The following SPTLC3 variants were observed in gnomAD, a reference collection of about 807,000 sequenced individuals.
SPTLC3 encodes serine palmitoyltransferase 3.
In SPTLC3, 36 loss-of-function variants were observed where a neutral mutation model predicts 59.3. That is an observed-to-expected ratio of 0.61 (90% CI 0.47 to 0.80). The LOEUF is 0.80. Ranked by LOEUF, SPTLC3 falls within the 30% of genes least tolerant of loss-of-function variation. The probability of loss-of-function intolerance (pLI) is 0.00; values close to 1 mark genes in which losing one functional copy is unlikely to be tolerated. For synonymous variants in SPTLC3, 257 were observed against 240.8 expected (o/e 1.07, Z -0.62); for missense variants, 625 against 685.1 (o/e 0.91, Z 0.98).
intron 1 of SPTLC3, among the ~76,000 whole-genome samples, chr20:13,042,374 G>A (rs985970454): frequency 1.3e-5 from 2 of 152,200 alleles, no homozygotes; most frequent in African/African-American, 4.8e-5. Context: ...GCTAGGGAAA[G>A]GATAGTAGCT....
chr20:13,067,500 A>T (rs1988268184), intron 2 of SPTLC3, among the ~76,000 whole-genome samples: 1 of 152,036 alleles, frequency 6.6e-6, no homozygotes, highest in Non-Finnish European at 1.5e-5. Context: ...TGCATTTCTG[A>T]TTCATTGATG....
chr20:13,029,609 T>G (rs1261131512), intron 1 of SPTLC3, among the ~76,000 whole-genome samples: 1 of 152,232 alleles, frequency 6.6e-6, no homozygotes, highest in Admixed American at 6.5e-5. Flanking sequence ...TGTGGTGCCA[T>G]TTTCTTAGCG....
chr20:13,056,503 A>C (rs1987734626), intron 2 of SPTLC3, among the ~76,000 whole-genome samples: 1 of 147,856 alleles, frequency 6.8e-6, no homozygotes, highest in Non-Finnish European at 1.5e-5. Flanking sequence ...ACCCAGGCAG[A>C]CTAATGCAAT....
At chr20:13,149,974 G>A (rs1600389404) in intron 9 of SPTLC3, among the ~76,000 whole-genome samples, 1 of 152,174 alleles carries the variant, frequency 6.6e-6, no homozygotes, top group Non-Finnish European at 1.5e-5. Context: ...GGAATCATCA[G>A]GACCAGCCTG....
chr20:13,032,970 A>T (rs768395056), intron 1 of SPTLC3, among the ~76,000 whole-genome samples: 1 of 152,052 alleles, frequency 6.6e-6, no homozygotes, highest in Non-Finnish European at 1.5e-5. Flanking sequence ...GTAACTTATC[A>T]CTCTCTTTGA....
intron 7 of SPTLC3, among the ~76,000 whole-genome samples, chr20:13,116,723 C>T (rs1240631394): frequency 1.3e-5 from 2 of 152,302 alleles, no homozygotes; most frequent in Non-Finnish European, 2.9e-5. Flanking sequence ...CAAAAGAGTT[C>T]ATCTACAGCA....
At chr20:13,088,340 G>A (rs925609887) in intron 4 of SPTLC3, among the ~76,000 whole-genome samples, 6 of 151,854 alleles carry the variant, frequency 4.0e-5, no homozygotes, top group Non-Finnish European at 7.4e-5. Flanking sequence ...TTTTGTCTTT[G>A]TTTTTGTTTT....
chr20:13,037,777 A>T (rs1397261735), intron 1 of SPTLC3, among the ~76,000 whole-genome samples: 1 of 152,164 alleles, frequency 6.6e-6, no homozygotes, highest in African/African-American at 2.4e-5. Flanking sequence ...CATAAGTCTC[A>T]CTAGCTTAAC....
chr20:13,140,755 A>G, intron 9 of SPTLC3, among the ~76,000 whole-genome samples: 1 of 152,246 alleles, frequency 6.6e-6, no homozygotes, highest in East Asian at 1.9e-4. Flanking sequence ...TTGAATTTCA[A>G]TCATTTTTAT....
At chr20:13,063,211 T>C (rs533986083) in intron 2 of SPTLC3, among the ~76,000 whole-genome samples, 2 of 152,346 alleles carry the variant, frequency 1.3e-5, no homozygotes, top group Admixed American at 1.3e-4. Flanking sequence ...TTTTTAGTTC[T>C]TCACACTTAA....
At chr20:13,031,362 T>C (rs996255787) in intron 1 of SPTLC3, among the ~76,000 whole-genome samples, 6 of 152,182 alleles carry the variant, frequency 3.9e-5, no homozygotes, top group African/African-American at 1.4e-4. Flanking sequence ...GCAACAATTG[T>C]ATTGAACAGC....
chr20:13,117,052 T>C (rs1600309488), intron 7 of SPTLC3, among the ~76,000 whole-genome samples: 2 of 152,330 alleles, frequency 1.3e-5, no homozygotes, highest in East Asian at 3.9e-4. Flanking sequence ...TCTTTTTAAT[T>C]CCCTCTTTTA....
chr20:13,043,291 C>T (rs1181062983), intron 1 of SPTLC3, among the ~76,000 whole-genome samples: 1 of 152,220 alleles, frequency 6.6e-6, no homozygotes, highest in Non-Finnish European at 1.5e-5. Context: ...TATCCCCAAC[C>T]TTCCTGCCCT....
intron 9 of SPTLC3, among the ~76,000 whole-genome samples, chr20:13,136,696 AAGTT>A (rs1568621796): frequency 6.8e-6 from 1 of 147,566 alleles, no homozygotes; most frequent in Non-Finnish European, 1.5e-5. Flanking sequence ...ATATAAATAA[AAGTT>A]ATATATATTT....
rs188670109 is a variant in SPTLC3, at chr20:13,035,810, T to C, written c.118-13135T>C. ...TTTCTAAACATTTGTATTTATAAAATACATGTCATAAAGCTATTGTTAAAA... is the reference window on the plus strand; with the variant it reads ...TTTCTAAACATTTGTATTTATAAAACACATGTCATAAAGCTATTGTTAAAA... On this transcript the variant is annotated intron_variant, in intron 1 of 11. Transcript: ENST00000399002. 4.5e-3 allele frequency among the ~76,000 whole-genome samples: 684 copies of C among 152,298 alleles called. 1 individual carries two copies. Among genetic ancestry groups the C allele is most frequent in the Non-Finnish European group, 7.5e-3 (511 of 68,016 alleles).
chr20:13,154,935 C>T (rs1280573202), intron 10 of SPTLC3, among the ~76,000 whole-genome samples: 6 of 152,158 alleles, frequency 3.9e-5, no homozygotes, highest in African/African-American at 1.4e-4. Context: ...AATCCCAGCA[C>T]TTTGGGAGGC....
At position 13,117,511 on chromosome 20, in the gene SPTLC3, A is replaced by C; in HGVS notation, c.938A>C (p.Glu313Ala). The C allele has an allele frequency of 6.3e-7, 1 of 1,586,838 alleles. No individual in the cohort carries two copies. Among genetic ancestry groups the C allele is most frequent in the Non-Finnish European group, 8.6e-7 (1 of 1,167,502 alleles). ...LILVEGVYSM[E>A]GSIVHLPQII... ...CATTTCTCCTTCTGCCCTAGCATGG[A>C]AGGTTCCATCGTGCATCTGCCCCAG... is the stretch of plus-strand genomic sequence containing the variant. Residue 313 changes from glutamate (E) to alanine (A), a missense_variant, in exon 8 of 12, where the codon GAA (glutamate) becomes GCA (alanine). By Grantham distance (107) the Glu-to-Ala change is moderately radical. Coordinates refer to ENST00000399002, the MANE Select transcript of SPTLC3 (RefSeq NM_018327.4).
intron 6 of SPTLC3, among the ~76,000 whole-genome samples, chr20:13,099,623 G>A (rs1989536612): frequency 6.6e-6 from 1 of 152,142 alleles, no homozygotes; most frequent in Non-Finnish European, 1.5e-5. Context: ...TATTTCCAGG[G>A]TCCTCTGAAT....
At chr20:13,095,645 C>A (rs910761361) in intron 6 of SPTLC3, among the ~76,000 whole-genome samples, 1 of 152,082 alleles carries the variant, frequency 6.6e-6, no homozygotes, top group Non-Finnish European at 1.5e-5. Flanking sequence ...GGCCAAAACA[C>A]CTGCATTTTT....
Sources: allele counts gnomAD v4.1 joint callset (sites outside exome capture counted in the v4.1 genomes callset), GRCh38; gene constraint gnomAD v4.1.1; transcripts MANE v1.5; gene names NCBI Gene and HGNC (gene_info 2026-07-23, HGNC 2026-07-21).